Variants in GCH1 observed in about 807,000 individuals in gnomAD.
GCH1 encodes GTP cyclohydrolase 1, also known as GTP cyclohydrolase I.
GCH1 carries 5 observed loss-of-function variants against 25.9 expected under a neutral mutation model. The ratio of observed to expected loss-of-function variants is 0.19; its 90% CI spans 0.10 to 0.41. GCH1 has a LOEUF of 0.41. GCH1 is among the 10% of genes least tolerant of loss of function. GCH1 has a pLI of 1.00. For synonymous variants in GCH1, 159 were observed against 129.6 expected, an observed-to-expected ratio of 1.23 and a Z score of -1.54; for missense variants, 261 against 336.5, an observed-to-expected ratio of 0.78 and a Z score of 1.75.
chr14:54,847,228 G>A (rs2039656632), intron 3 of GCH1, 98 bp from the exon 4 acceptor site: 1 of 570,448 alleles, frequency 1.8e-6, no homozygotes, highest in African/African-American at 1.9e-5. Context: ...TGAAGCAAGT[G>A]GGCTGCAAGA....
chr14:54,865,250 A>G (rs528608922), intron 2 of GCH1, 77 bp downstream of exon 2: 1 of 724,304 alleles, frequency 1.4e-6, no homozygotes, highest in East Asian at 2.7e-5. Flanking sequence ...GCAGCTAAAA[A>G]TTTTAAATAT....
intron 1 of GCH1, among the ~76,000 whole-genome samples, chr14:54,869,232 G>A (rs569022360): frequency 5.9e-5 from 9 of 151,648 alleles, no homozygotes; most frequent in African/African-American, 9.7e-5. Flanking sequence ...GTAGAGACGG[G>A]GTTTCACTAT....
chr14:54,848,118 C>A (rs1444974963), intron 3 of GCH1, among the ~76,000 whole-genome samples: 3 of 150,122 alleles, frequency 2.0e-5, no homozygotes, highest in Admixed American at 6.6e-5. Context: ...CACAATCTGT[C>A]AAGTGATAAA....
intron 2 of GCH1, among the ~76,000 whole-genome samples, chr14:54,861,811 A>G (rs2039901149): frequency 6.6e-6 from 1 of 152,158 alleles, no homozygotes; most frequent in Admixed American, 6.5e-5. Context: ...AGAAAGTAAC[A>G]GGATAAAATG....
chr14:54,863,874 A>G (rs1328276408), intron 2 of GCH1, among the ~76,000 whole-genome samples: 2 of 122,086 alleles, frequency 1.6e-5, no homozygotes, highest in African/African-American at 7.5e-5. Context: ...TTTGTTTGAC[A>G]GGGTCTGGCA....
At chr14:54,887,218 T>C (rs2040364157) in intron 1 of GCH1, among the ~76,000 whole-genome samples, 1 of 152,226 alleles carries the variant, frequency 6.6e-6, no homozygotes, top group Non-Finnish European at 1.5e-5. Flanking sequence ...AAGCTTATCC[T>C]AGAAAACCAG....
chr14:54,876,937 A>G (rs780473976), intron 1 of GCH1, among the ~76,000 whole-genome samples: 1 of 152,172 alleles, frequency 6.6e-6, no homozygotes, highest in Non-Finnish European at 1.5e-5. Context: ...AATCATGTAA[A>G]TGTTTTACAT....
chr14:54,890,142 T>G (rs1004208979), intron 1 of GCH1, among the ~76,000 whole-genome samples: 1 of 152,234 alleles, frequency 6.6e-6, no homozygotes, highest in African/African-American at 2.4e-5. Flanking sequence ...GTGGTATATG[T>G]GTCAGAACTT....
intron 4 of GCH1, among the ~76,000 whole-genome samples, chr14:54,846,578 T>C (rs190248340): frequency 6.6e-6 from 1 of 152,182 alleles, no homozygotes; most frequent in Non-Finnish European, 1.5e-5. Context: ...TGTTTAAACA[T>C]AATCCAAATA....
chr14:54,872,703 C>G (rs1450157038), intron 1 of GCH1, among the ~76,000 whole-genome samples: 2 of 152,116 alleles, frequency 1.3e-5, no homozygotes, highest in African/African-American at 4.8e-5. Flanking sequence ...CAATCCTAGT[C>G]TCTGATAAAA....
intron 1 of GCH1, among the ~76,000 whole-genome samples, chr14:54,901,200 A>G (rs974877371): frequency 2.0e-5 from 3 of 152,196 alleles, no homozygotes; most frequent in Non-Finnish European, 2.9e-5. Context: ...CTTCAGAGAA[A>G]TAACTGGGGC....
chr14:54,862,225 TAG>T (rs928628340), intron 2 of GCH1, among the ~76,000 whole-genome samples: 3 of 152,104 alleles, frequency 2.0e-5, no homozygotes, highest in Admixed American at 6.6e-5. Context: ...TATTTTGTGG[TAG>T]AGACAGTCTC....
At chr14:54,853,153 G>A (rs925098105) in intron 3 of GCH1, among the ~76,000 whole-genome samples, 2 of 151,968 alleles carry the variant, frequency 1.3e-5, no homozygotes, top group Non-Finnish European at 2.9e-5. Context: ...TAGTAGAGAT[G>A]GGGTTTCACC....
At chr14:54,901,379 C>T (rs1427674638) in intron 1 of GCH1, among the ~76,000 whole-genome samples, 1 of 152,128 alleles carries the variant, frequency 6.6e-6, no homozygotes, top group Non-Finnish European at 1.5e-5. Context: ...TTTTTAAACA[C>T]AGACCAATAC....
chr14:54,875,808 C>T (rs1009971239), intron 1 of GCH1, among the ~76,000 whole-genome samples: 2 of 152,194 alleles, frequency 1.3e-5, no homozygotes, highest in Admixed American at 6.5e-5. Context: ...TACCATCTTA[C>T]ACCAGTTAGA....
chr14:54,855,487 C>T lies in GCH1; in HGVS notation c.509+4194G>A, dbSNP rs1400707601. ...TGCCACTGCACTCCAGCCTGGGCGA[C>T]AGAGAAAGACCCTGTCTCAAAAAAA... On this transcript the variant is annotated intron_variant, in intron 3 of 5. Coordinates refer to ENST00000491895, the MANE Select transcript of GCH1 (RefSeq NM_000161.3). 3.5e-5 allele frequency among the ~76,000 whole-genome samples: 4 copies of T among 113,248 alleles called. No homozygotes were observed. In the Admixed American group the frequency reaches 4.3e-4, roughly 12 times the overall value. 74.3% of individuals were successfully genotyped at this position (113,248 alleles called of 152,430 possible). A position where few individuals can be genotyped will look rare whatever the true frequency, so the allele number is the denominator to read the frequency against.
intron 2 of GCH1, among the ~76,000 whole-genome samples, chr14:54,860,464 C>T (rs1391263629): frequency 6.6e-6 from 1 of 151,968 alleles, no homozygotes; most frequent in Non-Finnish European, 1.5e-5. Flanking sequence ...CAAAGCCCTG[C>T]AGCACAGAAG....
At chr14:54,881,149 G>T (rs2040266617) in intron 1 of GCH1, among the ~76,000 whole-genome samples, 1 of 151,478 alleles carries the variant, frequency 6.6e-6, no homozygotes, top group East Asian at 1.9e-4. Context: ...TTTAAATTAA[G>T]GTCTTCATAC....
Position 54,902,484 on chromosome 14 carries a change from G to A in GCH1, c.180C>T (p.Ser60=), listed in dbSNP as rs142852146. The change falls in exon 1 of 6, where the codon AGC becomes AGT. Residue 60 remains serine (S), a synonymous_variant. Coordinates refer to ENST00000491895, the MANE Select transcript of GCH1 (RefSeq NM_000161.3). ...ADGWKGERPR[S]EEDNELNLPN... ...GGAGGTTCAGCTCGTTATCCTCCTCGCTGCGGGGCCGCTCGCCCTTCCAGC... is the reference window on the plus strand; with the variant it reads ...GGAGGTTCAGCTCGTTATCCTCCTCACTGCGGGGCCGCTCGCCCTTCCAGC... The A allele has an allele frequency of 6.2e-7, 1 of 1,610,648 alleles. No individual in the cohort carries two copies. Among genetic ancestry groups the A allele is most frequent in the African/African-American group, 1.3e-5 (1 of 74,906 alleles).
Sources: allele counts gnomAD v4.1 joint callset (sites outside exome capture counted in the v4.1 genomes callset), GRCh38; gene constraint gnomAD v4.1.1; transcripts MANE v1.5; gene names NCBI Gene and HGNC (gene_info 2026-07-23, HGNC 2026-07-21).